The following UBAC2 variants were observed in gnomAD, a reference collection of about 807,000 sequenced individuals.
UBAC2 encodes the protein UBA domain containing 2, also known as ubiquitin-associated domain-containing protein 2.
UBAC2 carries 26 observed loss-of-function variants against 44.0 expected under a neutral mutation model. The ratio of observed to expected loss-of-function variants is 0.59; its 90% CI spans 0.43 to 0.82. UBAC2 has a LOEUF of 0.82. Ranked by LOEUF, UBAC2 falls within the 40% of genes least tolerant of loss-of-function variation. The pLI is 0.00. For missense variants in UBAC2, 329 were observed against 419.4 expected (o/e 0.78, Z 1.88); for synonymous variants, 155 against 154.3 (o/e 1.00, Z -0.04).
At chr13:99,292,127 C>CTT (rs969731169) in intron 4 of UBAC2, among the ~76,000 whole-genome samples, 1 of 148,962 alleles carries the variant, frequency 6.7e-6, no homozygotes, top group African/African-American at 2.5e-5. Context: ...GGTTACATTC[C>CTT]TTTTTTTTTT....
chr13:99,326,371 C>T (rs1054557903), intron 6 of UBAC2, among the ~76,000 whole-genome samples: 7 of 152,104 alleles, frequency 4.6e-5, no homozygotes, highest in African/African-American at 1.7e-4. Context: ...GTCCTTAGCC[C>T]ATTTTTAAAA....
At chr13:99,294,985 AT>A in intron 4 of UBAC2, 1 of 1,477,286 alleles carries the variant, frequency 6.8e-7, no homozygotes, top group Non-Finnish European at 9.1e-7. Context: ...CTGAACAATT[AT>A]TTTGCTTTAT....
At chr13:99,312,184 CGTA>C (rs1186701798) in intron 4 of UBAC2, among the ~76,000 whole-genome samples, 3 of 152,206 alleles carry the variant, frequency 2.0e-5, no homozygotes, top group Admixed American at 1.3e-4. Flanking sequence ...TTTAAAATAA[CGTA>C]GTCTCTATCA....
At chr13:99,236,610 G>C (rs1363358221) in intron 1 of UBAC2, among the ~76,000 whole-genome samples, 2 of 152,166 alleles carry the variant, frequency 1.3e-5, no homozygotes, top group Non-Finnish European at 2.9e-5. Flanking sequence ...CTAGTACTTT[G>C]GGAGGCCGAG....
intron 4 of UBAC2, among the ~76,000 whole-genome samples, chr13:99,246,920 T>G (rs2043390619): frequency 6.6e-6 from 1 of 152,258 alleles, no homozygotes; most frequent in Non-Finnish European, 1.5e-5. Flanking sequence ...TCTTCAGGCT[T>G]TCTCAAACAT....
intron 1 of UBAC2, among the ~76,000 whole-genome samples, chr13:99,226,879 G>GT (rs1202520342): frequency 6.6e-6 from 1 of 152,156 alleles, no homozygotes; most frequent in Admixed American, 6.5e-5. Flanking sequence ...TTACAAGAAG[G>GT]TTTTCCCTAA....
At chr13:99,303,515 G>A (rs1018650895) in intron 4 of UBAC2, among the ~76,000 whole-genome samples, 2 of 152,180 alleles carry the variant, frequency 1.3e-5, no homozygotes, top group East Asian at 3.9e-4. Context: ...GATGACATAT[G>A]TTTAGAGAAC....
At chr13:99,303,927 A>G (rs189619104) in intron 4 of UBAC2, among the ~76,000 whole-genome samples, 1 of 152,312 alleles carries the variant, frequency 6.6e-6, no homozygotes, top group Admixed American at 6.5e-5. Flanking sequence ...GCCTCTGGTC[A>G]GCGAGCAGTC....
At chr13:99,374,029 G>A (rs562271723) in intron 8 of UBAC2, among the ~76,000 whole-genome samples, 9 of 152,278 alleles carry the variant, frequency 5.9e-5, no homozygotes, top group African/African-American at 1.7e-4. Flanking sequence ...CATGTCAAAC[G>A]ACAGAATTAC....
chr13:99,244,871 C>T (rs1340207884), intron 4 of UBAC2, among the ~76,000 whole-genome samples: 1 of 150,726 alleles, frequency 6.6e-6, no homozygotes, highest in Non-Finnish European at 1.5e-5. Context: ...CTCGCTCTGT[C>T]ACCCAGGCTG....
chr13:99,326,787 A>G (rs548901292), intron 6 of UBAC2, among the ~76,000 whole-genome samples: 3 of 152,254 alleles, frequency 2.0e-5, no homozygotes, highest in South Asian at 4.1e-4. Flanking sequence ...GCTCTCATCC[A>G]TGTCTCTTCC....
In UBAC2 at chr13:99,295,644, T is replaced by C; in HGVS notation, c.390-18453T>C. Reference sequence around the variant, plus strand: ...GCCTCCTGCTTTGACATAGGGTTGATGAGGAGTGGGAGTGTCTGAGCAAAT... The same window carrying C: ...GCCTCCTGCTTTGACATAGGGTTGACGAGGAGTGGGAGTGTCTGAGCAAAT... On this transcript the variant is annotated intron_variant, in intron 4 of 8. Coordinates refer to ENST00000403766, the MANE Select transcript of UBAC2 (RefSeq NM_001144072.2). The surrounding 1 kb of genome is among the most constrained non-coding windows in gnomAD (Gnocchi z 4.1). 1 of 1,614,152 alleles carries C rather than the reference T, an allele frequency of 6.2e-7. No homozygotes were observed. The highest frequency in any genetic ancestry group is 8.5e-7 in the Non-Finnish European group (1 of 1,180,030).
intron 8 of UBAC2, among the ~76,000 whole-genome samples, chr13:99,380,373 G>A (rs187755446): frequency 5.9e-5 from 9 of 152,312 alleles, no homozygotes; most frequent in East Asian, 1.9e-4. Flanking sequence ...GGGACTGGGC[G>A]TGCTGGGCTT....
At chr13:99,340,621 C>A in intron 7 of UBAC2, 56 bp downstream of exon 7, 1 of 1,566,418 alleles carries the variant, frequency 6.4e-7, no homozygotes, top group Non-Finnish European at 8.7e-7. Context: ...CCAAGCAAAT[C>A]TTTCCTCTGT....
chr13:99,238,607 TC>T (rs1321559375), intron 2 of UBAC2, 53 bp downstream of exon 2: 1 of 1,440,530 alleles, frequency 6.9e-7, no homozygotes, highest in East Asian at 2.4e-5. Context: ...TTTTTTTTTT[TC>T]TTTCTAGATT....
rs906823794 is a variant in UBAC2, at chr13:99,367,697, G to A, written c.808-90G>A. 2.6e-6 allele frequency: 4 copies of A among 1,538,164 alleles called. No individual in the cohort carries two copies. The African/African-American group carries it at 5.5e-5, about 21-fold the overall frequency. On this transcript the variant is annotated intron_variant, in intron 7 of 8. Coordinates refer to ENST00000403766, the MANE Select transcript of UBAC2 (RefSeq NM_001144072.2). ...TATGATACTTCCTTCCCAGTCTATAGATGTAACTGCATTGAGAGAAAGCTC... is the reference window on the plus strand; with the variant it reads ...TATGATACTTCCTTCCCAGTCTATAAATGTAACTGCATTGAGAGAAAGCTC...
intron 6 of UBAC2, among the ~76,000 whole-genome samples, chr13:99,321,538 T>G (rs1331222365): frequency 1.3e-5 from 2 of 152,230 alleles, no homozygotes; most frequent in African/African-American, 4.8e-5. Context: ...CTCGAACTCC[T>G]GACGTCAGGG....
chr13:99,322,401 A>G (rs1198085081), intron 6 of UBAC2, among the ~76,000 whole-genome samples: 3 of 152,172 alleles, frequency 2.0e-5, no homozygotes, highest in Non-Finnish European at 4.4e-5. Flanking sequence ...ACAGGGATGC[A>G]CCCTAATTCT....
chr13:99,217,486 C>T (rs552059342), intron 1 of UBAC2, among the ~76,000 whole-genome samples: 1 of 152,350 alleles, frequency 6.6e-6, no homozygotes, highest in South Asian at 2.1e-4. Flanking sequence ...GGCCTGGGGA[C>T]GTTCCAGCAC....
Sources: gnomAD v4.1 joint callset for allele counts (sites outside exome capture counted in the v4.1 genomes callset) on GRCh38, gnomAD v4.1.1 for gene constraint, Gnocchi (gnomAD v3.1) non-coding constraint, MANE v1.5 for transcripts, NCBI Gene and HGNC (gene_info 2026-07-23, HGNC 2026-07-21) for gene names.